EXOC3: variants seen among roughly 807,000 people sequenced by gnomAD.
EXOC3 encodes SEC6-like 1.
Under a neutral mutation model 73.7 loss-of-function variants are expected in EXOC3, and 21 were observed. The ratio of observed to expected loss-of-function variants is 0.29; its 90% CI spans 0.20 to 0.41. EXOC3 has a LOEUF of 0.41. Ranked by LOEUF, EXOC3 falls within the 10% of genes least tolerant of loss-of-function variation. The pLI, the probability that EXOC3 is intolerant of heterozygous loss-of-function variation, is 1.00. For missense variants in EXOC3, 842 were observed against 985.1 expected, an observed-to-expected ratio of 0.85 and a Z score of 1.95; for synonymous variants, 410 against 389.1, an observed-to-expected ratio of 1.05 and a Z score of -0.63.
rs372707852 is a variant in EXOC3, at chr5:462,251, G to A, written c.1597G>A (p.Ala533Thr). The A allele has an allele frequency of 5.1e-5, 83 of 1,613,860 alleles. No individual in the cohort carries two copies. The highest frequency in any genetic ancestry group is 6.4e-5 in the Non-Finnish European group (75 of 1,179,900). Residue 533 changes from alanine (A) to threonine (T), a missense_variant, in exon 9 of 13, where the codon GCC (alanine) becomes ACC (threonine). Transcript: ENST00000512944. Reference sequence around the variant, plus strand: ...GCCCAGCATGGACGGGATTTTAGACGCCATCGCGAAGGAGGGCTGCAGCGG... The same window carrying A: ...GCCCAGCATGGACGGGATTTTAGACACCATCGCGAAGGAGGGCTGCAGCGG... ...SQPSMDGILD[A>T]IAKEGCSGLL...
At chr5:448,269 C>G (rs1737563106) in intron 3 of EXOC3, among the ~76,000 whole-genome samples, 1 of 152,206 alleles carries the variant, frequency 6.6e-6, no homozygotes. Context: ...TCAGTCTTCT[C>G]CCTGAATGCC....
At chr5:454,150 C>A in intron 4 of EXOC3, 99 bp downstream of exon 4, 1 of 1,013,580 alleles carries the variant, frequency 9.9e-7, no homozygotes, top group Non-Finnish European at 1.4e-6. Context: ...GGGTGTTGCT[C>A]TGGGCAGGTG....
At chr5:450,132 G>A (rs1300042569) in intron 3 of EXOC3, among the ~76,000 whole-genome samples, 1 of 152,168 alleles carries the variant, frequency 6.6e-6, no homozygotes, top group Non-Finnish European at 1.5e-5. Flanking sequence ...TGTAATCCCA[G>A]CTACTCAGGA....
At chr5:458,101 C>T in intron 6 of EXOC3, 76 bp downstream of exon 6, 3 of 1,463,806 alleles carry the variant, frequency 2.0e-6, no homozygotes, top group Non-Finnish European at 1.9e-6. Flanking sequence ...CAAAGTGACA[C>T]AGATACCTGG....
intron 4 of EXOC3, among the ~76,000 whole-genome samples, chr5:455,095 C>T (rs895181225): frequency 6.6e-6 from 1 of 151,712 alleles, no homozygotes; most frequent in African/African-American, 2.4e-5. Flanking sequence ...ACTCACCTCC[C>T]CTGGCTGCCG....
chr5:449,963 T>C (rs544689516), intron 3 of EXOC3, among the ~76,000 whole-genome samples: 120 of 152,342 alleles, frequency 7.9e-4, no homozygotes, highest in Non-Finnish European at 1.6e-3. Context: ...ATATCCCTTA[T>C]GGCTGGGTGC....
chr5:452,328 G>T (rs1213174924), intron 3 of EXOC3, among the ~76,000 whole-genome samples: 1 of 152,084 alleles, frequency 6.6e-6, no homozygotes, highest in East Asian at 1.9e-4. Context: ...TCCCTTTAGT[G>T]AATTTTTCAT....
At position 456,983 on chromosome 5, in the gene EXOC3, G is replaced by T; in HGVS notation, c.1141G>T (p.Asp381Tyr). 6.2e-7 allele frequency: 1 copy of T among 1,613,780 alleles called. No homozygotes were observed. The highest frequency in any genetic ancestry group is 8.5e-7 in the Non-Finnish European group (1 of 1,179,696). ...TCCACACGTGGTCTCTGAGCTGCTT[G>T]ACACGTACATGTCCACGCTCACTGT... is the stretch of plus-strand genomic sequence containing the variant. ...LSPHVVSELL[D>Y]TYMSTLTSNI... Residue 381 changes from aspartate to tyrosine, a missense_variant, in exon 5 of 13, where the codon GAC becomes TAC. By Grantham distance (160) the Asp-to-Tyr change is radical. Coordinates refer to ENST00000512944, the MANE Select transcript of EXOC3 (RefSeq NM_007277.5).
At position 457,758 on chromosome 5, in the gene EXOC3, G is replaced by C. The variant is rs1737863851; in HGVS notation, c.1165-142G>C. The C allele has an allele frequency of 1.6e-5, 14 of 883,074 alleles. No individual in the cohort carries two copies. In the East Asian group the frequency reaches 3.8e-4, roughly 24 times the overall value. The allele number at this position is 883,074 out of a possible 1,614,324, so 54.7% of individuals were successfully genotyped here. ...GGGTGGCTCCTGGGTCCCTGCTCTG[G>C]AGTCCTCATTTGAGAAAGAGGACGC... On this transcript the variant is annotated intron_variant, in intron 5 of 12. Transcript: ENST00000512944.
intron 10 of EXOC3, chr5:464,803 A>G: frequency 2.1e-6 from 1 of 475,054 alleles, no homozygotes; most frequent in South Asian, 2.6e-5. Flanking sequence ...GTCGTTATCA[A>G]AGGACAGCAG....
intron 3 of EXOC3, among the ~76,000 whole-genome samples, chr5:448,749 C>G (rs1271656442): frequency 6.6e-6 from 1 of 152,258 alleles, no homozygotes; most frequent in Non-Finnish European, 1.5e-5. Flanking sequence ...ACCCTGTCCT[C>G]TCTGCCCTCC....
chr5:457,834 A>G lies in EXOC3; in HGVS notation c.1165-66A>G, dbSNP rs1465998180. On this transcript the variant is annotated intron_variant, in intron 5 of 12. Transcript: ENST00000512944. ...GCTTGTGCATGCAACTGACCAGGTAATTGGCATGACCCTCAGGCACCTGCT... is the reference window on the plus strand; with the variant it reads ...GCTTGTGCATGCAACTGACCAGGTAGTTGGCATGACCCTCAGGCACCTGCT... 4 of 1,532,200 alleles carry G rather than the reference A, an allele frequency of 2.6e-6. No homozygotes were observed. The Admixed American group carries it at 7.8e-5, about 30-fold the overall frequency. 94.9% of individuals were successfully genotyped at this position (1,532,200 alleles called of 1,614,324 possible). A position where few individuals can be genotyped will look rare whatever the true frequency, so the allele number is the denominator to read the frequency against.
At chr5:464,498 C>T (rs1162958145) in intron 10 of EXOC3, 86 bp downstream of exon 10, 17 of 1,440,348 alleles carry the variant, frequency 1.2e-5, no homozygotes, top group Non-Finnish European at 1.6e-5. Context: ...CCAGCGAGTC[C>T]CTCCGTGAGT....
At chr5:462,431 T>G in intron 9 of EXOC3, 124 bp downstream of exon 9, 1 of 1,104,010 alleles carries the variant, frequency 9.1e-7, no homozygotes, top group Non-Finnish European at 1.3e-6. Flanking sequence ...GGCTGTGCAC[T>G]TGCATTCCGG....
At chr5:464,740 G>C in intron 10 of EXOC3, 1 of 409,340 alleles carries the variant, frequency 2.4e-6, no homozygotes, top group East Asian at 4.8e-5. Context: ...CTTCCTGCAG[G>C]ACCCAGGTTC....
At position 464,412 on chromosome 5, in the gene EXOC3, G is replaced by T. The variant is rs1335531255; in HGVS notation, c.1776G>T (p.Lys592Asn). Residue 592 changes from lysine (K) to asparagine (N), a missense_variant and splice_region_variant, in exon 10 of 13, where the codon AAG (lysine) becomes AAT (asparagine). Transcript: ENST00000512944. ...DFAKIKKPYK[K>N]RMTAEAHRRV... ...CCAAAATTAAAAAGCCGTATAAGAA[G>T]GTAAGAAGGTGGGACCTAGTTCCCT... The T allele has an allele frequency of 1.2e-6, 2 of 1,613,308 alleles. No homozygotes were observed. The highest frequency in any genetic ancestry group is 2.2e-5 in the East Asian group (1 of 44,856).
chr5:466,715 C>G lies in EXOC3; in HGVS notation c.2067-12C>G. The G allele has an allele frequency of 6.2e-7, 1 of 1,607,156 alleles. No individual in the cohort carries two copies. The highest frequency in any genetic ancestry group is 8.5e-7 in the Non-Finnish European group (1 of 1,175,908). On this transcript the variant is annotated splice_polypyrimidine_tract_variant and intron_variant, in intron 12 of 12. Coordinates refer to ENST00000512944, the MANE Select transcript of EXOC3 (RefSeq NM_007277.5). The stretch of plus-strand genomic sequence containing the variant: ...GCTAAGTGGGCATGGGCTGACATCT[C>G]CCCATCCCCAGGGATGACCACATCG...
At chr5:450,019 G>T (rs1337380346) in intron 3 of EXOC3, among the ~76,000 whole-genome samples, 2 of 152,232 alleles carry the variant, frequency 1.3e-5, no homozygotes, top group Non-Finnish European at 2.9e-5. Flanking sequence ...GCTGAGGCAG[G>T]CGGATCACCT....
chr5:466,633 C>A, intron 12 of EXOC3, 94 bp from the exon 13 acceptor site: 1 of 1,290,856 alleles, frequency 7.7e-7, no homozygotes, highest in South Asian at 1.4e-5. Flanking sequence ...CCCCTGTGTT[C>A]TGTCAGCTGG....
Sources: allele counts gnomAD v4.1 joint callset (sites outside exome capture counted in the v4.1 genomes callset), GRCh38; gene constraint gnomAD v4.1.1; transcripts MANE v1.5; gene names NCBI Gene and HGNC (gene_info 2026-07-23, HGNC 2026-07-21).